Variants in ST6GALNAC3 observed in about 807,000 individuals in gnomAD.
ST6GALNAC3 encodes alpha-N-acetylgalactosaminide alpha-2,6-sialyltransferase 3.
In ST6GALNAC3, 25 loss-of-function variants were observed where a neutral mutation model predicts 32.7. That is an observed-to-expected ratio of 0.76 (90% CI 0.56 to 1.07). The LOEUF (loss-of-function observed/expected upper bound fraction) is 1.07. Ranked by LOEUF, ST6GALNAC3 falls within the 50% of genes least tolerant of loss-of-function variation. ST6GALNAC3 has a pLI of 0.00. For missense variants in ST6GALNAC3, 355 were observed against 382.4 expected (o/e 0.93, Z 0.60); for synonymous variants, 129 against 133.1 (o/e 0.97, Z 0.21).
intron 3 of ST6GALNAC3, among the ~76,000 whole-genome samples, chr1:76,495,889 G>A (rs538972701): frequency 2.1e-4 from 32 of 152,202 alleles, no homozygotes; most frequent in Non-Finnish European, 4.0e-4. Flanking sequence ...TTGGTATAGC[G>A]GAGGAAACCT....
intron 2 of ST6GALNAC3, among the ~76,000 whole-genome samples, chr1:76,398,621 G>A (rs1288102689): frequency 6.6e-6 from 1 of 152,060 alleles, no homozygotes; most frequent in African/African-American, 2.4e-5. Flanking sequence ...CCTTACACAA[G>A]TATCATAAAA....
chr1:76,445,783 T>C (rs992924559), intron 3 of ST6GALNAC3, among the ~76,000 whole-genome samples: 1 of 152,222 alleles, frequency 6.6e-6, no homozygotes, highest in African/African-American at 2.4e-5. Flanking sequence ...AATGCATGCA[T>C]GTACTTAAAA....
At chr1:76,611,143 G>C (rs141684834) in intron 3 of ST6GALNAC3, among the ~76,000 whole-genome samples, 1 of 151,944 alleles carries the variant, frequency 6.6e-6, no homozygotes, top group Non-Finnish European at 1.5e-5. Flanking sequence ...TCTTTAGTTA[G>C]TGTTTCTGAG....
intron 1 of ST6GALNAC3, among the ~76,000 whole-genome samples, chr1:76,188,582 G>A (rs1429773600): frequency 6.6e-6 from 1 of 152,014 alleles, no homozygotes; most frequent in African/African-American, 2.4e-5. Context: ...TGGGAGTTAG[G>A]GGCACTGATC....
intron 3 of ST6GALNAC3, among the ~76,000 whole-genome samples, chr1:76,479,655 G>A (rs191996050): frequency 1.7e-3 from 259 of 152,160 alleles, no homozygotes; most frequent in Non-Finnish European, 3.2e-3. Flanking sequence ...CCCTAGCAAC[G>A]GTATTAATCC....
intron 2 of ST6GALNAC3, among the ~76,000 whole-genome samples, chr1:76,379,897 A>T (rs1263022262): frequency 6.6e-6 from 1 of 152,296 alleles, no homozygotes; most frequent in East Asian, 1.9e-4. Flanking sequence ...ATGAGGCGAA[A>T]CAGGAGGACC....
At chr1:76,285,385 G>GGTGTGTGTGT (rs140357874) in intron 1 of ST6GALNAC3, among the ~76,000 whole-genome samples, 5,760 of 148,388 alleles carry the variant, frequency 0.039, 179 homozygotes, top group African/African-American at 0.084. Flanking sequence ...TCGGGAGGAT[G>GGTGTGTGTGT]GTGTGTGTGT....
intron 3 of ST6GALNAC3, among the ~76,000 whole-genome samples, chr1:76,485,594 C>T (rs1660054740): frequency 6.6e-6 from 1 of 152,008 alleles, no homozygotes; most frequent in Non-Finnish European, 1.5e-5. Flanking sequence ...TTTATTGTGT[C>T]TATTTGATTC....
At chr1:76,170,112 A>G (rs1652381151) in intron 1 of ST6GALNAC3, among the ~76,000 whole-genome samples, 2 of 152,160 alleles carry the variant, frequency 1.3e-5, no homozygotes, top group Non-Finnish European at 2.9e-5. Context: ...GAGGGCCAAC[A>G]TTCAGCTCCC....
At chr1:76,148,376 C>T (rs996683738) in intron 1 of ST6GALNAC3, among the ~76,000 whole-genome samples, 11 of 152,122 alleles carry the variant, frequency 7.2e-5, no homozygotes, top group Non-Finnish European at 1.5e-4. Context: ...GGAAGGTTTC[C>T]GGGGCTATAT....
chr1:76,361,268 T>C (rs1649911636), intron 2 of ST6GALNAC3, among the ~76,000 whole-genome samples: 1 of 152,138 alleles, frequency 6.6e-6, no homozygotes, highest in Non-Finnish European at 1.5e-5. Context: ...ACCATTCTCC[T>C]TTCTGTTTTT....
chr1:76,120,867 C>T (rs1238018779), intron 1 of ST6GALNAC3, among the ~76,000 whole-genome samples: 1 of 152,172 alleles, frequency 6.6e-6, no homozygotes, highest in Non-Finnish European at 1.5e-5. Flanking sequence ...CTTCTGGAGG[C>T]CAGAAATCTA....
rs1649253540 is a variant in ST6GALNAC3 at position 76,630,727 on chromosome 1, A to G, written c.*1921A>G. ...GACACCTCAATATTCACACCCATAA[A>G]CATTACTAAGCCCCAGTTCTATCGT... On this transcript the variant is annotated 3_prime_UTR_variant, in exon 5 of 5. Coordinates refer to ENST00000328299, the MANE Select transcript of ST6GALNAC3 (RefSeq NM_152996.4). The G allele has an allele frequency of 6.1e-6, 6 of 985,510 alleles. No homozygotes were observed. Among genetic ancestry groups the G allele is most frequent in the Non-Finnish European group, 6.0e-6 (5 of 829,838 alleles). 61.0% of individuals were successfully genotyped at this position (985,510 alleles called of 1,614,324 possible).
chr1:76,431,618 C>T (rs1655757733), intron 3 of ST6GALNAC3, among the ~76,000 whole-genome samples: 1 of 152,118 alleles, frequency 6.6e-6, no homozygotes, highest in African/African-American at 2.4e-5. Context: ...TGGTTCTCCT[C>T]TATGTAGAAA....
At chr1:76,472,707 G>C (rs558350383) in intron 3 of ST6GALNAC3, among the ~76,000 whole-genome samples, 1 of 152,102 alleles carries the variant, frequency 6.6e-6, no homozygotes, top group African/African-American at 2.4e-5. Flanking sequence ...AAGATGCTTA[G>C]AACAATGCCA....
intron 3 of ST6GALNAC3, among the ~76,000 whole-genome samples, chr1:76,453,030 T>G (rs1468871345): frequency 6.6e-6 from 1 of 152,222 alleles, no homozygotes; most frequent in Non-Finnish European, 1.5e-5. Context: ...TTCCAGGAAT[T>G]TATCCATCTC....
chr1:76,575,867 T>G (rs1296986596), intron 3 of ST6GALNAC3, among the ~76,000 whole-genome samples: 9 of 151,958 alleles, frequency 5.9e-5, no homozygotes, highest in African/African-American at 2.4e-5. Context: ...TTAAAAGCTG[T>G]GTGTCAGATC....
In ST6GALNAC3 at chr1:76,630,958, G is replaced by A; in HGVS notation, c.*2152G>A. The A allele has an allele frequency of 1.0e-6, 1 of 985,502 alleles. No homozygotes were observed. The highest frequency in any genetic ancestry group is 1.2e-6 in the Non-Finnish European group (1 of 829,736). The allele number at this position is 985,502 out of a possible 1,614,324, so 61.0% of individuals were successfully genotyped here. ...AATCCTTGATTAATCAGAATGGCTT[G>A]GGACATGAACTTAATTTATTTAGTT... On this transcript the variant is annotated 3_prime_UTR_variant, in exon 5 of 5. Transcript: ENST00000328299.
At chr1:76,459,062 AT>A (rs1424640016) in intron 3 of ST6GALNAC3, among the ~76,000 whole-genome samples, 1 of 151,962 alleles carries the variant, frequency 6.6e-6, no homozygotes, top group African/African-American at 2.4e-5. Context: ...TCCTTTTGGG[AT>A]TTATGTGCCT....
Sources: allele counts gnomAD v4.1 joint callset (sites outside exome capture counted in the v4.1 genomes callset), GRCh38; gene constraint gnomAD v4.1.1; transcripts MANE v1.5; gene names NCBI Gene and HGNC (gene_info 2026-07-23, HGNC 2026-07-21).